Variants in CYREN observed in about 807,000 individuals in gnomAD.
The protein encoded by CYREN is cell cycle regulator of NHEJ, also known as cell cycle regulator of non-homologous end joining.
Under a neutral mutation model 9.7 loss-of-function variants are expected in CYREN, and 7 were observed. That is an observed-to-expected ratio of 0.72 (90% CI 0.41 to 1.36). The LOEUF (loss-of-function observed/expected upper bound fraction) is 1.36. Ranked by LOEUF, CYREN falls within the 40% of genes most tolerant of loss-of-function variation. The probability of loss-of-function intolerance (pLI) is 0.01; values close to 1 mark genes in which losing one functional copy is unlikely to be tolerated. For synonymous variants in CYREN, 76 were observed against 77.9 expected, an observed-to-expected ratio of 0.98 and a Z score of 0.13; for missense variants, 215 against 198.1, an observed-to-expected ratio of 1.09 and a Z score of -0.51.
intron 2 of CYREN, among the ~76,000 whole-genome samples, chr7:135,150,472 C>T (rs1029709799): frequency 1.3e-5 from 2 of 152,182 alleles, no homozygotes; most frequent in African/African-American, 4.8e-5. Context: ...ACTGATTCCC[C>T]AGGGCCTCTG....
At chr7:135,157,374 T>C (rs190039894) in intron 2 of CYREN, among the ~76,000 whole-genome samples, 7 of 152,354 alleles carry the variant, frequency 4.6e-5, no homozygotes, top group Non-Finnish European at 1.0e-4. Context: ...GGATAGAGTA[T>C]GGTAATTAGC....
intron 2 of CYREN, among the ~76,000 whole-genome samples, chr7:135,098,756 G>A: frequency 6.6e-6 from 1 of 152,136 alleles, no homozygotes; most frequent in East Asian, 1.9e-4. Flanking sequence ...ATTGGAAAAA[G>A]AAACAGGAAG....
chr7:135,135,267 C>A, intron 2 of CYREN: 1 of 1,496,880 alleles, frequency 6.7e-7, no homozygotes, highest in Non-Finnish European at 8.9e-7. Flanking sequence ...GTTAATCTAG[C>A]TTTATACTGC....
chr7:135,104,777 G>GTT (rs199595037), intron 2 of CYREN, among the ~76,000 whole-genome samples: 17,437 of 145,152 alleles, frequency 0.12, 1,141 homozygotes, highest in East Asian at 0.19. Context: ...GGGCTGTTTG[G>GTT]TTTTTTTTTT....
chr7:135,107,607 C>T (rs1824937777), intron 2 of CYREN, among the ~76,000 whole-genome samples: 1 of 152,086 alleles, frequency 6.6e-6, no homozygotes, highest in Non-Finnish European at 1.5e-5. Flanking sequence ...AGTTCTTTTG[C>T]ATTTCCTGAG....
At chr7:135,128,905 T>G in intron 2 of CYREN, 1 of 1,463,768 alleles carries the variant, frequency 6.8e-7, no homozygotes, top group Non-Finnish European at 9.6e-7. Context: ...ATAAAATGCT[T>G]TAATAGTAAT....
At position 135,127,605 on chromosome 7, in the gene CYREN, A is replaced by G. The variant is rs180848378; in HGVS notation, n.357-33023T>C. Among the ~76,000 whole-genome samples the G allele has an allele frequency of 5.3e-4, 81 of 152,322 alleles. No individual in the cohort carries two copies. The East Asian group carries it at 0.012, about 23-fold the overall frequency. ...ATCACACTGATCATCAGAGAAACGT[A>G]AATCAAAACCACAATGAGATACCAT... is the stretch of plus-strand genomic sequence containing the variant. On this transcript the variant is annotated intron_variant and non_coding_transcript_variant, in intron 2 of 2. Coordinates refer to the CYREN transcript ENST00000459937.
rs557306743 is a variant in CYREN at position 135,132,593 on chromosome 7, C to T, written n.356+36156G>A. On this transcript the variant is annotated intron_variant and non_coding_transcript_variant, in intron 2 of 2. Coordinates refer to the CYREN transcript ENST00000459937. Reference sequence around the variant, plus strand: ...AAATCTCACCTTTAATTGTAATAATCCCCACGTGTCAAGGCAGGGTCAGGT... The same window carrying T: ...AAATCTCACCTTTAATTGTAATAATTCCCACGTGTCAAGGCAGGGTCAGGT... Among the ~76,000 whole-genome samples the T allele has an allele frequency of 4.3e-4, 65 of 152,226 alleles. 1 individual carries two copies. Among genetic ancestry groups the T allele is most frequent in the Admixed American group, 9.8e-4 (15 of 15,278 alleles).
downstream of CYREN, chr7:135,164,924 C>G: frequency 6.2e-7 from 1 of 1,614,076 alleles, no homozygotes; most frequent in Non-Finnish European, 8.5e-7. Context: ...AGGCCTTACT[C>G]ATCCTCTTGC....
intron 2 of CYREN, among the ~76,000 whole-genome samples, chr7:135,120,185 G>A (rs868498224): frequency 6.6e-6 from 1 of 152,050 alleles, no homozygotes; most frequent in Non-Finnish European, 1.5e-5. Context: ...GAAAGAATAC[G>A]GTAAGCAAAA....
chr7:135,128,839 T>C, intron 2 of CYREN: 1 of 1,177,544 alleles, frequency 8.5e-7, no homozygotes, highest in Non-Finnish European at 1.3e-6. Context: ...GTGCAGGATG[T>C]GGAATCATTG....
chr7:135,140,712 CTT>C (rs1167814103), intron 2 of CYREN, among the ~76,000 whole-genome samples: 1 of 151,822 alleles, frequency 6.6e-6, no homozygotes, highest in East Asian at 1.9e-4. Context: ...ATAGGTGGCT[CTT>C]ATTATTTTGA....
At chr7:135,099,559 TA>T (rs1025127464) in intron 2 of CYREN, among the ~76,000 whole-genome samples, 1 of 152,198 alleles carries the variant, frequency 6.6e-6, no homozygotes, top group Admixed American at 6.5e-5. Context: ...TCTTGGCTTC[TA>T]AAAAAATATT....
At chr7:135,163,130 G>C (rs1829989601), downstream of CYREN, among the ~76,000 whole-genome samples, 1 of 152,148 alleles carries the variant, frequency 6.6e-6, no homozygotes, top group African/African-American at 2.4e-5. Context: ...TAGTGTAATG[G>C]ATGATCCCAC....
At chr7:135,128,902 G>T in intron 2 of CYREN, 1 of 1,444,124 alleles carries the variant, frequency 6.9e-7, no homozygotes, top group Non-Finnish European at 9.8e-7. Context: ...CAGATAAAAT[G>T]CTTTAATAGT....
In CYREN at chr7:135,151,457, T is replaced by G. The variant is rs937989193; in HGVS notation, n.356+17292A>C. On this transcript the variant is annotated intron_variant and non_coding_transcript_variant, in intron 2 of 2. Transcript: ENST00000459937. The surrounding 1 kb of genome is among the most constrained non-coding windows in gnomAD (Gnocchi z 4.3). The stretch of plus-strand genomic sequence containing the variant: ...ACTGGTGGCCTCTGACAAGTAAACC[T>G]GCGCCCTTGTTCTATGCCCTGGCAA... 2.6e-5 allele frequency among the ~76,000 whole-genome samples: 4 copies of G among 152,248 alleles called. No homozygotes were observed. Among genetic ancestry groups the G allele is most frequent in the Admixed American group, 6.5e-5 (1 of 15,286 alleles).
intron 2 of CYREN, among the ~76,000 whole-genome samples, chr7:135,106,339 C>A (rs1258058035): frequency 6.6e-6 from 1 of 152,146 alleles, no homozygotes; most frequent in Non-Finnish European, 1.5e-5. Context: ...CTTTTGCCCA[C>A]AGTACGATGT....
intron 1 of CYREN, 35 bp from the exon 2 acceptor site, chr7:135,169,095 A>C: frequency 1.6e-6 from 1 of 612,672 alleles, no homozygotes; most frequent in Non-Finnish European, 2.7e-6. Context: ...GAATTCCCAT[A>C]CCTCCAGTCA....
chr7:135,111,974 G>A (rs561705812), intron 2 of CYREN, among the ~76,000 whole-genome samples: 54 of 151,670 alleles, frequency 3.6e-4, no homozygotes, highest in Non-Finnish European at 5.6e-4. Flanking sequence ...GTCCACTTCC[G>A]ATCTCTTTCT....
Sources: gnomAD v4.1 joint callset for allele counts (sites outside exome capture counted in the v4.1 genomes callset) on GRCh38, gnomAD v4.1.1 for gene constraint, Gnocchi (gnomAD v3.1) non-coding constraint, MANE v1.5 for transcripts, NCBI Gene and HGNC (gene_info 2026-07-23, HGNC 2026-07-21) for gene names.